The following GDAP2 variants were observed in gnomAD, a reference collection of about 807,000 sequenced individuals.
GDAP2 encodes ganglioside induced differentiation associated protein 2.
GDAP2 carries 51 observed loss-of-function variants against 67.0 expected under a neutral mutation model. The ratio of observed to expected loss-of-function variants is 0.76; its 90% CI spans 0.61 to 0.96. The LOEUF (loss-of-function observed/expected upper bound fraction) is 0.96, where lower values mean the gene tolerates loss of function less well. Among genes scored for constraint, GDAP2 ranks in the 40% least tolerant of loss-of-function variants. The pLI, the probability that GDAP2 is intolerant of heterozygous loss-of-function variation, is 0.00. For missense variants in GDAP2, 547 were observed against 588.3 expected, an observed-to-expected ratio of 0.93 and a Z score of 0.73; for synonymous variants, 203 against 207.3, an observed-to-expected ratio of 0.98 and a Z score of 0.18.
chr1:117,920,753 G>C (rs76076780), intron 1 of GDAP2, among the ~76,000 whole-genome samples: 2 of 146,936 alleles, frequency 1.4e-5, no homozygotes, highest in Admixed American at 6.8e-5. Flanking sequence ...AAAAAAAAAA[G>C]TAATAGATGC....
At chr1:117,915,739 A>G (rs542362100) in intron 3 of GDAP2, among the ~76,000 whole-genome samples, 9 of 152,342 alleles carry the variant, frequency 5.9e-5, no homozygotes, top group Middle Eastern at 3.4e-3. Context: ...CAAAGTGAAT[A>G]TAAGACTGAT....
chr1:117,919,251 G>A (rs1370106308), intron 2 of GDAP2, among the ~76,000 whole-genome samples: 1 of 151,902 alleles, frequency 6.6e-6, no homozygotes, highest in African/African-American at 2.4e-5. Context: ...GCAGGCACCT[G>A]TAGTCCCAGC....
chr1:117,903,468 GT>G (rs1649550892), intron 6 of GDAP2, among the ~76,000 whole-genome samples: 1 of 152,102 alleles, frequency 6.6e-6, no homozygotes, highest in South Asian at 2.1e-4. Flanking sequence ...TTTGTTGACT[GT>G]TTTTATCAAG....
Position 117,870,509 on chromosome 1 carries a change from GGTAGCTATTC to G in GDAP2, c.*50_*59del. Reference sequence around the variant, plus strand: ...AGCAACAATGAATATCACTTCAACAGGTAGCTATTCGTGGAGGAAGTGGCATCCTGGGAAC... The same window carrying G: ...AGCAACAATGAATATCACTTCAACAGGTGGAGGAAGTGGCATCCTGGGAAC... On this transcript the variant is annotated 3_prime_UTR_variant, in exon 14 of 14. Transcript: ENST00000369443. The G allele has an allele frequency of 1.0e-6, 1 of 989,862 alleles. No individual in the cohort carries two copies. The highest frequency in any genetic ancestry group is 1.6e-6 in the Non-Finnish European group (1 of 609,948). 61.3% of individuals were successfully genotyped at this position (989,862 alleles called of 1,614,324 possible).
chr1:117,922,099 C>T (rs1178192418), intron 1 of GDAP2, among the ~76,000 whole-genome samples: 1 of 151,816 alleles, frequency 6.6e-6, no homozygotes, highest in Non-Finnish European at 1.5e-5. Context: ...CATTCTATGA[C>T]CAAGTGTTTA....
At chr1:117,874,261 T>C (rs1173510241) in intron 13 of GDAP2, among the ~76,000 whole-genome samples, 1 of 152,198 alleles carries the variant, frequency 6.6e-6, no homozygotes, top group Non-Finnish European at 1.5e-5. Flanking sequence ...CCCTCATAAA[T>C]GTCTTGGTGC....
At chr1:117,876,998 T>C (rs1648478688) in intron 13 of GDAP2, among the ~76,000 whole-genome samples, 1 of 152,208 alleles carries the variant, frequency 6.6e-6, no homozygotes, top group South Asian at 2.1e-4. Flanking sequence ...ACTAAGATCA[T>C]TTTCTACTCC....
At chr1:117,896,271 C>T (rs1557801449) in intron 8 of GDAP2, among the ~76,000 whole-genome samples, 1 of 152,154 alleles carries the variant, frequency 6.6e-6, no homozygotes, top group Non-Finnish European at 1.5e-5. Context: ...TGAAAAGCAG[C>T]CAGCTTTACA....
chr1:117,928,769 G>T (rs896361101), intron 1 of GDAP2, among the ~76,000 whole-genome samples: 6 of 152,196 alleles, frequency 3.9e-5, no homozygotes, highest in African/African-American at 7.2e-5. Context: ...ATCTTCTTTT[G>T]TACAGCTATG....
At chr1:117,874,814 A>C (rs1648399603) in intron 13 of GDAP2, among the ~76,000 whole-genome samples, 1 of 152,214 alleles carries the variant, frequency 6.6e-6, no homozygotes, top group African/African-American at 2.4e-5. Context: ...TGGGGAACTT[A>C]GGAATTAGAG....
At chr1:117,891,610 G>A (rs1034838703) in intron 8 of GDAP2, among the ~76,000 whole-genome samples, 15 of 152,042 alleles carry the variant, frequency 9.9e-5, no homozygotes, top group African/African-American at 3.6e-4. Flanking sequence ...TCACCAAGTT[G>A]TAGTTCTTTA....
At chr1:117,910,296 GGTT>G (rs1220773894) in intron 5 of GDAP2, among the ~76,000 whole-genome samples, 2 of 151,860 alleles carry the variant, frequency 1.3e-5, no homozygotes, top group Non-Finnish European at 2.9e-5. Context: ...TAAAACACAG[GGTT>G]GTTAAGTAAA....
intron 3 of GDAP2, among the ~76,000 whole-genome samples, chr1:117,917,369 C>A (rs76339311): frequency 0.014 from 2,065 of 152,264 alleles, 38 homozygotes; most frequent in South Asian, 0.093. Flanking sequence ...AAGGTTGGCA[C>A]TGATTCATTA....
At chr1:117,878,389 T>G (rs1249419918) in intron 12 of GDAP2, among the ~76,000 whole-genome samples, 1 of 152,230 alleles carries the variant, frequency 6.6e-6, no homozygotes, top group African/African-American at 2.4e-5. Flanking sequence ...TTTTGTTTCA[T>G]GAAGCTTTTG....
At chr1:117,878,517 C>T (rs1459596077) in intron 12 of GDAP2, among the ~76,000 whole-genome samples, 1 of 152,158 alleles carries the variant, frequency 6.6e-6, no homozygotes, top group East Asian at 1.9e-4. Context: ...ATTGGTGTTC[C>T]AGTCTTCTGA....
chr1:117,917,680 G>A (rs190921834), intron 3 of GDAP2, among the ~76,000 whole-genome samples: 1 of 152,184 alleles, frequency 6.6e-6, no homozygotes, highest in Admixed American at 6.5e-5. Flanking sequence ...GCTCAAACAT[G>A]CAGTTTAACA....
At chr1:117,897,718 C>T (rs149568946) in intron 7 of GDAP2, among the ~76,000 whole-genome samples, 175 of 152,276 alleles carry the variant, frequency 1.1e-3, no homozygotes, top group African/African-American at 3.3e-3. Context: ...AAACAAACGT[C>T]GTACCATGGG....
chr1:117,922,222 C>G (rs1486594308), intron 1 of GDAP2, among the ~76,000 whole-genome samples: 1 of 152,028 alleles, frequency 6.6e-6, no homozygotes, highest in Non-Finnish European at 1.5e-5. Context: ...GGAAACTGGA[C>G]AAGATAGCCT....
chr1:117,928,743 AAG>A (rs1312478082), intron 1 of GDAP2, among the ~76,000 whole-genome samples: 3 of 152,244 alleles, frequency 2.0e-5, no homozygotes, highest in African/African-American at 7.2e-5. Context: ...TACCTTGTTC[AAG>A]AAGCGCCGGC....
Sources: allele counts gnomAD v4.1 joint callset (sites outside exome capture counted in the v4.1 genomes callset), GRCh38; gene constraint gnomAD v4.1.1; transcripts MANE v1.5; gene names NCBI Gene and HGNC (gene_info 2026-07-23, HGNC 2026-07-21).